The following CMC1 variants were observed in gnomAD, a reference collection of about 807,000 sequenced individuals.
CMC1 encodes the protein C-X9-C motif containing 1, also known as COX assembly mitochondrial protein homolog.
CMC1 carries 14 observed loss-of-function variants against 14.1 expected under a neutral mutation model. The observed-to-expected ratio is 0.99, with a 90% CI of 0.66 to 1.55. CMC1 has a LOEUF of 1.55. CMC1 is among the 40% of genes most tolerant of loss of function. The pLI is 0.00. For synonymous variants in CMC1, 50 were observed against 38.4 expected (o/e 1.30, Z -1.12); for missense variants, 127 against 123.8 (o/e 1.03, Z -0.12).
intron 1 of CMC1, among the ~76,000 whole-genome samples, chr3:28,258,352 C>G (rs1699533689): frequency 6.6e-6 from 1 of 151,228 alleles, no homozygotes; most frequent in East Asian, 1.9e-4. Context: ...TGCCTTATGC[C>G]CTTTTTGAGA....
At chr3:28,263,223 G>A in intron 1 of CMC1, 68 bp from the exon 2 acceptor site, 1 of 1,088,166 alleles carries the variant, frequency 9.2e-7, no homozygotes, top group African/African-American at 1.6e-5. Flanking sequence ...GTAAACCAGA[G>A]TCTTATTTTT....
chr3:28,263,475 A>G, intron 2 of CMC1, 95 bp downstream of exon 2: 1 of 720,488 alleles, frequency 1.4e-6, no homozygotes, highest in South Asian at 2.0e-5. Context: ...TCAATGAATT[A>G]ATATGTATGA....
At chr3:28,279,477 A>G (rs1700757058) in intron 2 of CMC1, among the ~76,000 whole-genome samples, 1 of 152,216 alleles carries the variant, frequency 6.6e-6, no homozygotes, top group Non-Finnish European at 1.5e-5. Context: ...TCTGAAAAGA[A>G]ATCAATGGAC....
intron 1 of CMC1, among the ~76,000 whole-genome samples, chr3:28,258,795 A>AT (rs552808147): frequency 1.7e-4 from 26 of 148,974 alleles, no homozygotes; most frequent in South Asian, 6.4e-4. Context: ...CATTTTTTAT[A>AT]TTTTTTTTTA....
Position 28,295,310 on chromosome 3 carries a change from C to T in CMC1, c.110-21023C>T, listed in dbSNP as rs1020937367. On this transcript the variant is annotated intron_variant, in intron 2 of 3. Coordinates refer to ENST00000466830, the MANE Select transcript of CMC1 (RefSeq NM_182523.2). Reference sequence around the variant, plus strand: ...CTTACCCATGTTGTGTTTAGGAATTCGTATGAAAATTTATTCTTATCTACA... The same window carrying T: ...CTTACCCATGTTGTGTTTAGGAATTTGTATGAAAATTTATTCTTATCTACA... Among the ~76,000 whole-genome samples the T allele has an allele frequency of 3.9e-5, 6 of 152,056 alleles. No individual in the cohort carries two copies. The South Asian group carries it at 6.2e-4, about 16-fold the overall frequency.
chr3:28,300,627 C>CTT (rs1701979960), intron 2 of CMC1, among the ~76,000 whole-genome samples: 1 of 128,510 alleles, frequency 7.8e-6, no homozygotes, highest in African/African-American at 3.3e-5. Flanking sequence ...CCCTCCCTCC[C>CTT]TCCATCCCTT....
intron 2 of CMC1, among the ~76,000 whole-genome samples, chr3:28,282,109 A>G (rs1577040028): frequency 2.0e-5 from 3 of 152,202 alleles, no homozygotes; most frequent in South Asian, 4.1e-4. Context: ...TCTTCTGTGT[A>G]TTTCCCTTCC....
intron 2 of CMC1, among the ~76,000 whole-genome samples, chr3:28,303,938 A>G (rs1702179539): frequency 6.6e-6 from 1 of 152,154 alleles, no homozygotes; most frequent in Non-Finnish European, 1.5e-5. Context: ...ATAAGAAAAT[A>G]TGTTCCAAGG....
intron 2 of CMC1, among the ~76,000 whole-genome samples, chr3:28,314,585 G>T (rs1229046742): frequency 1.3e-5 from 2 of 152,188 alleles, no homozygotes; most frequent in African/African-American, 2.4e-5. Flanking sequence ...TGTCCTTGAA[G>T]GGGAATACTA....
intron 2 of CMC1, among the ~76,000 whole-genome samples, chr3:28,307,613 C>T (rs939223716): frequency 3.3e-5 from 5 of 152,202 alleles, no homozygotes; most frequent in Admixed American, 1.3e-4. Context: ...CTTATATGAT[C>T]AATTTCATCA....
chr3:28,264,084 A>G (rs1399888103), intron 2 of CMC1, among the ~76,000 whole-genome samples: 3 of 152,202 alleles, frequency 2.0e-5, no homozygotes, highest in South Asian at 2.1e-4. Context: ...GCACATGGCA[A>G]TATTACTTTA....
rs1313322582 is a variant in CMC1, at chr3:28,322,737, A to T, written c.*3108A>T. 2 of 151,634 alleles carry T rather than the reference A, an allele frequency of 1.3e-5. No individual in the cohort carries two copies. The highest frequency in any genetic ancestry group is 3.0e-5 in the Non-Finnish European group (2 of 67,404). The allele number at this position is 151,634 out of a possible 1,614,324, so 9.4% of individuals were successfully genotyped here. ...GACACCAATTCCATTAATCACAGAC[A>T]AGCTTGAATAAGTGTAAGATAATAG... On this transcript the variant is annotated 3_prime_UTR_variant, in exon 4 of 4. Coordinates refer to ENST00000466830, the MANE Select transcript of CMC1 (RefSeq NM_182523.2).
intron 2 of CMC1, among the ~76,000 whole-genome samples, chr3:28,277,497 G>A (rs1700640850): frequency 6.6e-6 from 1 of 152,158 alleles, no homozygotes; most frequent in Non-Finnish European, 1.5e-5. Flanking sequence ...ATGAACTTTA[G>A]TGGGGGAGGG....
chr3:28,277,907 GT>G (rs1267026826), intron 2 of CMC1, among the ~76,000 whole-genome samples: 4 of 152,182 alleles, frequency 2.6e-5, no homozygotes, highest in African/African-American at 9.7e-5. Flanking sequence ...CTTGTAGCTA[GT>G]AAGGAGAAAA....
In CMC1 at chr3:28,320,113, T is replaced by C. The variant is rs1703139083; in HGVS notation, c.*484T>C. 1 of 154,154 alleles carries C rather than the reference T, an allele frequency of 6.5e-6. No individual in the cohort carries two copies. The highest frequency in any genetic ancestry group is 2.4e-5 in the African/African-American group (1 of 41,392). The allele number at this position is 154,154 out of a possible 1,614,324, so 9.5% of individuals were successfully genotyped here. A position where few individuals can be genotyped will look rare whatever the true frequency, so the allele number is the denominator to read the frequency against. ...GTAAATCTAATACAGTTTGTGAGGA[T>C]GTACTGAGTATTGCATATAGCAGGT... is the stretch of plus-strand genomic sequence containing the variant. On this transcript the variant is annotated 3_prime_UTR_variant, in exon 4 of 4. Coordinates refer to ENST00000466830, the MANE Select transcript of CMC1 (RefSeq NM_182523.2).
At chr3:28,290,659 T>A (rs1225948933) in intron 2 of CMC1, among the ~76,000 whole-genome samples, 4 of 152,152 alleles carry the variant, frequency 2.6e-5, no homozygotes, top group East Asian at 3.8e-4. Context: ...ACATTTTTTT[T>A]AATCAGAAAA....
chr3:28,266,301 A>G (rs1169671752), intron 2 of CMC1, among the ~76,000 whole-genome samples: 2 of 152,166 alleles, frequency 1.3e-5, no homozygotes, highest in East Asian at 3.9e-4. Flanking sequence ...ATCTGGAATT[A>G]CATGATTCTA....
intron 2 of CMC1, among the ~76,000 whole-genome samples, chr3:28,284,540 G>T (rs1401199288): frequency 1.3e-5 from 2 of 152,140 alleles, no homozygotes; most frequent in Non-Finnish European, 2.9e-5. Flanking sequence ...CTTTCAAGGT[G>T]ATTTGAATGT....
intron 1 of CMC1, among the ~76,000 whole-genome samples, chr3:28,258,205 G>T (rs1206081114): frequency 6.6e-6 from 1 of 150,638 alleles, no homozygotes; most frequent in East Asian, 1.9e-4. Flanking sequence ...CAAGTCCTTT[G>T]TTATATATAT....
Sources: allele counts gnomAD v4.1 joint callset (sites outside exome capture counted in the v4.1 genomes callset), GRCh38; gene constraint gnomAD v4.1.1; transcripts MANE v1.5; gene names NCBI Gene and HGNC (gene_info 2026-07-23, HGNC 2026-07-21).